KTI12: variants seen among roughly 807,000 people sequenced by gnomAD.
KTI12 encodes protein KTI12 homolog.
Under a neutral mutation model 8.8 loss-of-function variants are expected in KTI12, and 8 were observed. That is an observed-to-expected ratio of 0.91 (90% confidence interval 0.53 to 1.64). KTI12 has a LOEUF of 1.64. KTI12 is among the 40% of genes most tolerant of loss of function. KTI12 has a pLI of 0.00. For missense variants in KTI12, 490 were observed against 492.1 expected (o/e 1.00, Z 0.04); for synonymous variants, 216 against 220.1 (o/e 0.98, Z 0.17).
chr1:52,033,731 A>G lies in KTI12; in HGVS notation c.31T>C (p.Tyr11His). Residue 11 changes from tyrosine to histidine, a missense_variant, in exon 1 of 1, where the codon TAC becomes CAC. Physicochemically the swap from Tyr to His is moderately conservative, Grantham distance 83 (BLOSUM62 2). Coordinates refer to ENST00000371614, the MANE Select transcript of KTI12 (RefSeq NM_138417.3). ...TCAGCACGCCGGCTCTTGCCGCTGT[A>G]CGGCAGCCCGCAAAACACCACGAGC... MPLVVFCGLP[Y>H]SGKSRRAEEL... 3.1e-6 allele frequency: 5 copies of G among 1,607,362 alleles called. No homozygotes were observed. Among genetic ancestry groups the G allele is most frequent in the Non-Finnish European group, 4.2e-6 (5 of 1,176,768 alleles).
Position 52,033,173 on chromosome 1 carries a change from T to C in KTI12, c.589A>G (p.Lys197Glu). ...GAGTAAAAGGCACCGGACCCATGCT[T>C]TGCAGATTTCTCTGAATCCGGAGTC... ...LVTPDSEKSA[K>E]HGSGAFYSPE... is the part of the protein sequence containing the mutation. The change falls in exon 1 of 1, where the codon AAG becomes GAG. Residue 197 changes from lysine to glutamate, a missense_variant. Transcript: ENST00000371614. 1.2e-6 allele frequency: 2 copies of C among 1,614,190 alleles called. No individual in the cohort carries two copies. The highest frequency in any genetic ancestry group is 1.7e-6 in the Non-Finnish European group (2 of 1,180,034).
rs1269331723 is a variant in KTI12 at position 52,032,833 on chromosome 1, G to C, written c.929C>G (p.Thr310Ser). Reference protein sequence around the residue: ...LPGTTEHLRFTRPLTMAELSR... With the variant: ...LPGTTEHLRFSRPLTMAELSR... ...CAGTTCTGCCATGGTCAAGGGCCGG[G>C]TAAACCGCAAGTGCTCTGTGGTACC... The change falls in exon 1 of 1, where the codon ACC becomes AGC. Residue 310 changes from threonine (T) to serine (S), a missense_variant. Transcript: ENST00000371614. 6.2e-7 allele frequency: 1 copy of C among 1,614,216 alleles called. No homozygotes were observed. Among genetic ancestry groups the C allele is most frequent in the South Asian group, 1.1e-5 (1 of 91,090 alleles).
rs772776637 is a variant in KTI12, at chr1:52,033,743, A to G, written c.19T>C (p.Cys7Arg). 2.5e-6 allele frequency: 4 copies of G among 1,603,512 alleles called. No individual in the cohort carries two copies. Among genetic ancestry groups the G allele is most frequent in the Non-Finnish European group, 3.4e-6 (4 of 1,174,294 alleles). ...CTCTTGCCGCTGTACGGCAGCCCGCAAAACACCACGAGCGGCATCCTCTCA... is the reference window on the plus strand; with the variant it reads ...CTCTTGCCGCTGTACGGCAGCCCGCGAAACACCACGAGCGGCATCCTCTCA... MPLVVF[C>R]GLPYSGKSRR... Residue 7 changes from cysteine to arginine, a missense_variant, in exon 1 of 1, where the codon TGC (cysteine) becomes CGC (arginine). Cys to Arg is a radical substitution (Grantham distance 180, BLOSUM62 -3). Transcript: ENST00000371614.
In KTI12 at chr1:52,032,757, A is replaced by G. The variant is rs1179529575; in HGVS notation, c.1005T>C (p.Asn335=). The change falls in exon 1 of 1, where the codon AAT becomes AAC. Residue 335 remains asparagine (N), a synonymous_variant. Coordinates refer to ENST00000371614, the MANE Select transcript of KTI12 (RefSeq NM_138417.3). ...TGTTGGCCAGTTGCGGCAAGTTCTC[A>G]TTGTTGGGATGCATTTTAGTGTACG... The part of the protein sequence containing the change: ...FISYTKMHPN[N]ENLPQLANMF... 6.2e-7 allele frequency: 1 copy of G among 1,614,024 alleles called. No homozygotes were observed. Among genetic ancestry groups the G allele is most frequent in the South Asian group, 1.1e-5 (1 of 91,076 alleles).
chr1:52,032,639 C>T lies in KTI12; in HGVS notation c.*58G>A, dbSNP rs1572001652. 3 of 1,531,584 alleles carry T rather than the reference C, an allele frequency of 2.0e-6. No homozygotes were observed. The East Asian group carries it at 6.8e-5, about 35-fold the overall frequency. 94.9% of individuals were successfully genotyped at this position (1,531,584 alleles called of 1,614,324 possible). ...CTGGAGACCTGCAGCCTATTTTTCC[C>T]AGAGAAATAAAGTGGAGTGGAGATC... On this transcript the variant is annotated 3_prime_UTR_variant, in exon 1 of 1. Transcript: ENST00000371614.
At position 52,033,167 on chromosome 1, in the gene KTI12, C is replaced by G. The variant is rs1328364484; in HGVS notation, c.595G>C (p.Gly199Arg). Residue 199 changes from glycine (G) to arginine (R), a missense_variant, in exon 1 of 1, where the codon GGG becomes CGG. Transcript: ENST00000371614. ...TPDSEKSAKHGSGAFYSPELL... is the reference protein window; with the variant it reads ...TPDSEKSAKHRSGAFYSPELL... ...TCGGGAGAGTAAAAGGCACCGGACC[C>G]ATGCTTTGCAGATTTCTCTGAATCC... 1.7e-5 allele frequency: 27 copies of G among 1,614,232 alleles called. No homozygotes were observed. The highest frequency in any genetic ancestry group is 2.2e-5 in the Non-Finnish European group (26 of 1,180,044).
chr1:52,033,418 G>C lies in KTI12; in HGVS notation c.344C>G (p.Ala115Gly). 1 of 1,451,384 alleles carries C rather than the reference G, an allele frequency of 6.9e-7. No homozygotes were observed. Among genetic ancestry groups the C allele is most frequent in the Non-Finnish European group, 9.4e-7 (1 of 1,058,510 alleles). The allele number at this position is 1,451,384 out of a possible 1,614,324, so 89.9% of individuals were successfully genotyped here. ...GTTCGCGCCCGCCACCTGAGGTCCC[G>C]CGATCGGGCCGCCGGGCCGTACGCA... ...VYCVRPGGPI[A>G]GPQVAGANEN... The change falls in exon 1 of 1, where the codon GCG becomes GGG. Residue 115 changes from alanine (A) to glycine (G), a missense_variant. Transcript: ENST00000371614.
rs1204279346 is a variant in KTI12, at chr1:52,032,164, C to T, written c.*533G>A. The T allele has an allele frequency of 1.1e-5, 11 of 982,726 alleles. No individual in the cohort carries two copies. The highest frequency in any genetic ancestry group is 1.3e-5 in the Non-Finnish European group (11 of 827,674). The allele number at this position is 982,726 out of a possible 1,614,324, so 60.9% of individuals were successfully genotyped here. On this transcript the variant is annotated 3_prime_UTR_variant, in exon 1 of 1. Transcript: ENST00000371614. The stretch of plus-strand genomic sequence containing the variant: ...CTAGTAGATAACTTTCTTACTTCCA[C>T]AAAAACAAAGTTTCTCAAGGATACA...
At position 52,033,189 on chromosome 1, in the gene KTI12, A is replaced by T. The variant is rs2783175; in HGVS notation, c.573T>A (p.Asp191Glu). Residue 191 changes from aspartate (D) to glutamate (E), a missense_variant, in exon 1 of 1, where the codon GAT (aspartate) becomes GAA (glutamate). Physicochemically the swap from Asp to Glu is conservative, Grantham distance 45. Coordinates refer to ENST00000371614, the MANE Select transcript of KTI12 (RefSeq NM_138417.3). The part of the protein sequence containing the change: ...AAESPALVTP[D>E]SEKSAKHGSG... ...ACCCATGCTTTGCAGATTTCTCTGA[A>T]TCCGGAGTCACAAGAGCTGGAGACT... 79,387 of 1,614,150 alleles carry T rather than the reference A, an allele frequency of 0.049. 2,308 individuals are homozygous for T. Among genetic ancestry groups the T allele is most frequent in the East Asian group, 0.11 (5,117 of 44,876 alleles).
In KTI12 at chr1:52,032,828, G is replaced by T. The variant is rs1258184747; in HGVS notation, c.934C>A (p.Pro312Thr). The T allele has an allele frequency of 1.2e-6, 2 of 1,614,178 alleles. No individual in the cohort carries two copies. Among genetic ancestry groups the T allele is most frequent in the Non-Finnish European group, 1.7e-6 (2 of 1,180,018 alleles). ...CGACTCAGTTCTGCCATGGTCAAGG[G>T]CCGGGTAAACCGCAAGTGCTCTGTG... is the stretch of plus-strand genomic sequence containing the variant. ...GTTEHLRFTR[P>T]LTMAELSRLR... The change falls in exon 1 of 1, where the codon CCC becomes ACC. Residue 312 changes from proline to threonine, a missense_variant. Pro to Thr is a conservative substitution (Grantham distance 38, BLOSUM62 -1). Transcript: ENST00000371614.
chr1:52,033,800 A>G lies in KTI12; in HGVS notation c.-39T>C. 1 of 1,521,930 alleles carries G rather than the reference A, an allele frequency of 6.6e-7. No homozygotes were observed. Among genetic ancestry groups the G allele is most frequent in the Non-Finnish European group, 8.8e-7 (1 of 1,133,420 alleles). 94.3% of individuals were successfully genotyped at this position (1,521,930 alleles called of 1,614,324 possible). A position where few individuals can be genotyped will look rare whatever the true frequency, so the allele number is the denominator to read the frequency against. On this transcript the variant is annotated 5_prime_UTR_variant, in exon 1 of 1. Transcript: ENST00000371614. ...GACCATTGGCAACCGCGCTGCGCCA[A>G]CTTCCGGGTTGTACGCGTCTCCGAC...
rs766342705 is a variant in KTI12 at position 52,033,235 on chromosome 1, C to G, written c.527G>C (p.Arg176Pro). ...AQADVPKELE[R>P]EESGAAESPA... ...AGACTCCGCAGCCCCGGATTCTTCT[C>G]GCTCCAGTTCCTTGGGTACGTCGGC... The change falls in exon 1 of 1, where the codon CGA becomes CCA. Residue 176 changes from arginine to proline, a missense_variant. Transcript: ENST00000371614. 6 of 1,614,030 alleles carry G rather than the reference C, an allele frequency of 3.7e-6. No homozygotes were observed. Among genetic ancestry groups the G allele is most frequent in the African/African-American group, 1.3e-5 (1 of 75,066 alleles).
chr1:52,033,293 T>A lies in KTI12; in HGVS notation c.469A>T (p.Thr157Ser), dbSNP rs778617290. The A allele has an allele frequency of 6.2e-7, 1 of 1,613,934 alleles. No homozygotes were observed. The highest frequency in any genetic ancestry group is 1.3e-5 in the African/African-American group (1 of 75,062). Residue 157 changes from threonine to serine, a missense_variant, in exon 1 of 1, where the codon ACT becomes TCT. Coordinates refer to ENST00000371614, the MANE Select transcript of KTI12 (RefSeq NM_138417.3). ...AGSSVLRELH[T>S]ADSVVNGSAQ... ...CTTCCATTTACTACAGAGTCCGCAG[T>A]ATGCAGTTCCCTGAGGACGCTGCTG...
At position 52,032,402 on chromosome 1, in the gene KTI12, G is replaced by T; in HGVS notation, c.*295C>A. 8.7e-7 allele frequency: 1 copy of T among 1,151,732 alleles called. No individual in the cohort carries two copies. The highest frequency in any genetic ancestry group is 1.1e-6 in the Non-Finnish European group (1 of 935,082). The allele number at this position is 1,151,732 out of a possible 1,614,324, so 71.3% of individuals were successfully genotyped here. The stretch of plus-strand genomic sequence containing the variant: ...CAGATGAGGGAAGCCAATGGTCAAT[G>T]CTCTGTGATAGCCCAAGTAGGATCC... On this transcript the variant is annotated 3_prime_UTR_variant, in exon 1 of 1. Coordinates refer to ENST00000371614, the MANE Select transcript of KTI12 (RefSeq NM_138417.3).
Position 52,033,380 on chromosome 1 carries a change from G to A in KTI12, c.382C>T (p.Arg128Trp), listed in dbSNP as rs745646561. 2 of 1,613,622 alleles carry A rather than the reference G, an allele frequency of 1.2e-6. No homozygotes were observed. Among genetic ancestry groups the A allele is most frequent in the East Asian group, 2.2e-5 (1 of 44,886 alleles). Residue 128 changes from arginine (R) to tryptophan (W), a missense_variant, in exon 1 of 1, where the codon CGG becomes TGG. Arg to Trp is a moderately radical substitution (Grantham distance 101, BLOSUM62 -3). Transcript: ENST00000371614. ...QVAGANENPG[R>W]NVSVSWRPRA... Reference sequence around the variant, plus strand: ...GGCCGCCAACTCACACTGACGTTCCGGCCAGGGTTCTCGTTCGCGCCCGCC... The same window carrying A: ...GGCCGCCAACTCACACTGACGTTCCAGCCAGGGTTCTCGTTCGCGCCCGCC...
At position 52,033,519 on chromosome 1, in the gene KTI12, A is replaced by C. The variant is rs1348466562; in HGVS notation, c.243T>G (p.Leu81=). Residue 81 remains leucine (L), a synonymous_variant, in exon 1 of 1, where the codon CTT becomes CTG. Coordinates refer to ENST00000371614, the MANE Select transcript of KTI12 (RefSeq NM_138417.3). ...SRHDVVILDS[L]NYIKGFRYEL... is the part of the protein sequence containing the mutation. ...CGTAACGGAAACCTTTGATGTAGTT[A>C]AGCGAGTCCAGGATGACCACGTCGT... is the stretch of plus-strand genomic sequence containing the variant. 6.2e-7 allele frequency: 1 copy of C among 1,613,978 alleles called. No homozygotes were observed.
chr1:52,033,108 A>G lies in KTI12; in HGVS notation c.654T>C (p.Ala218=), dbSNP rs775111867. The change falls in exon 1 of 1, where the codon GCT becomes GCC. Residue 218 remains alanine (A), a synonymous_variant. Transcript: ENST00000371614. ...LLEALTLRFE[A]PDSRNRWDRP... is the part of the protein sequence containing the mutation. Reference sequence around the variant, plus strand: ...GGTCCCAGCGATTCCGAGAATCGGGAGCCTCAAAGCGCAGCGTTAGGGCCT... The same window carrying G: ...GGTCCCAGCGATTCCGAGAATCGGGGGCCTCAAAGCGCAGCGTTAGGGCCT... The G allele has an allele frequency of 1.2e-6, 2 of 1,611,876 alleles. No homozygotes were observed. The highest frequency in any genetic ancestry group is 1.7e-5 in the Admixed American group (1 of 59,168).
chr1:52,033,471 C>T lies in KTI12; in HGVS notation c.291G>A (p.Ala97=). The change falls in exon 1 of 1, where the codon GCG becomes GCA. Residue 97 remains alanine, a synonymous_variant. Coordinates refer to ENST00000371614, the MANE Select transcript of KTI12 (RefSeq NM_138417.3). ...AGACCAGGCAGAGCGGGGTGCGCGCCGCCCGTGCCAGGCAGTAGAGCTCGT... is the reference window on the plus strand; with the variant it reads ...AGACCAGGCAGAGCGGGGTGCGCGCTGCCCGTGCCAGGCAGTAGAGCTCGT... The part of the protein sequence containing the change: ...FRYELYCLAR[A]ARTPLCLVYC... 1.9e-6 allele frequency: 3 copies of T among 1,613,298 alleles called. No homozygotes were observed. Among genetic ancestry groups the T allele is most frequent in the Non-Finnish European group, 2.5e-6 (3 of 1,179,586 alleles).
In KTI12 at chr1:52,033,772, AGCGACCATTGGCAACC is replaced by A; in HGVS notation, c.-27_-12del. The A allele has an allele frequency of 6.4e-7, 1 of 1,569,358 alleles. No homozygotes were observed. The highest frequency in any genetic ancestry group is 2.3e-5 in the East Asian group (1 of 44,162). ...CACCACGAGCGGCATCCTCTCAGGGAGCGACCATTGGCAACCGCGCTGCGCCAACTTCCGGGTTGTA... is the reference window on the plus strand; with the variant it reads ...CACCACGAGCGGCATCCTCTCAGGGAGCGCTGCGCCAACTTCCGGGTTGTA... On this transcript the variant is annotated 5_prime_UTR_variant, in exon 1 of 1. An upstream start codon of the reference 5' UTR is lost. Coordinates refer to ENST00000371614, the MANE Select transcript of KTI12 (RefSeq NM_138417.3).
Sources: allele counts gnomAD v4.1 joint callset, GRCh38; gene constraint gnomAD v4.1.1; transcripts MANE v1.5; gene names NCBI Gene and HGNC (gene_info 2026-07-23, HGNC 2026-07-21).